Variants in NPIPB9 observed in about 807,000 individuals in gnomAD.
The protein encoded by NPIPB9 is nuclear pore complex interacting protein family member B9, also known as nuclear pore complex-interacting protein family member B9.
A neutral mutation model predicts 5.6 loss-of-function variants in NPIPB9; 1 was observed. The ratio of observed to expected loss-of-function variants is 0.18; its 90% CI spans 0.06 to 0.84. The LOEUF (loss-of-function observed/expected upper bound fraction) is 0.84, where lower values mean the gene tolerates loss of function less well. Ranked by LOEUF, NPIPB9 falls within the 40% of genes least tolerant of loss-of-function variation. NPIPB9 has a pLI of 0.70. For synonymous variants in NPIPB9, 2 were observed against 12.5 expected, an observed-to-expected ratio of 0.16 and a Z score of 1.77; for missense variants, 3 against 39.1, an observed-to-expected ratio of 0.08 and a Z score of 2.46.
chr16:28,752,470 C>T lies in NPIPB9; in HGVS notation c.-98C>T, dbSNP rs539537151. The T allele has an allele frequency of 2.5e-5, 36 of 1,432,252 alleles. 3 individuals carry two copies. In the South Asian group the frequency reaches 2.5e-4, roughly 10 times the overall value. 88.7% of individuals were successfully genotyped at this position (1,432,252 alleles called of 1,614,324 possible). On this transcript the variant is annotated 5_prime_UTR_variant, in exon 1 of 8. Transcript: ENST00000550983. ...ATGATGAGCCCCTGTTCTCATTCTG[C>T]AAATGGTGAAGCTCTCTATTGTCCT...
intron 5 of NPIPB9, among the ~76,000 whole-genome samples, chr16:28,767,457 A>C (rs2049272346): frequency 3.4e-5 from 1 of 29,774 alleles, no homozygotes; most frequent in African/African-American, 1.4e-4. Context: ...TGATCCACAC[A>C]CCTCGGCCTC....
In NPIPB9 at chr16:28,765,721, T is replaced by TG. The variant is rs2049157814; in HGVS notation, c.295-361_295-360insG. ...CCACCGTGCCAGCCTCATGTCATTC[T>TG]TGTGTGTGTGTGTGTGTGTGTGTGT... On this transcript the variant is annotated intron_variant, in intron 3 of 7. Transcript: ENST00000550983. Among the ~76,000 whole-genome samples the TG allele has an allele frequency of 7.9e-5, 3 of 38,010 alleles. 1 individual carries two copies. Among genetic ancestry groups the TG allele is most frequent in the Non-Finnish European group, 1.4e-4 (3 of 20,696 alleles). 24.9% of individuals were successfully genotyped at this position (38,010 alleles called of 152,430 possible). A position where few individuals can be genotyped will look rare whatever the true frequency, so the allele number is the denominator to read the frequency against.
In NPIPB9 at chr16:28,767,152, T is replaced by C. The variant is rs1294725607; in HGVS notation, c.590+663T>C. Among the ~76,000 whole-genome samples the C allele has an allele frequency of 3.3e-5, 2 of 61,468 alleles. 1 individual carries two copies. Among genetic ancestry groups the C allele is most frequent in the Admixed American group, 3.7e-4 (2 of 5,362 alleles). The allele number at this position is 61,468 out of a possible 152,430, so 40.3% of individuals were successfully genotyped here. On this transcript the variant is annotated intron_variant, in intron 5 of 7. Transcript: ENST00000550983. ...TTGAAGCAATTCTGCCTCAGCTTCC[T>C]GAGTAGCTTGGATTACAGGTGTGTG...
chr16:28,769,700 G>C (rs1280181638), intron 5 of NPIPB9: 1 of 867,802 alleles, frequency 1.2e-6, no homozygotes, highest in Non-Finnish European at 1.4e-6. Flanking sequence ...GTGAGAGAGA[G>C]CGAGAGAGAG....
intron 2 of NPIPB9, chr16:28,758,572 CTTCCCCTCCCCCTCCCCT>C (rs2048937553): frequency 1.4e-5 from 1 of 73,604 alleles, no homozygotes. Context: ...TCCCCCTCCC[CTTCCCCTCCCCCTCCCCT>C]GCCCCTCCCC....
intron 1 of NPIPB9, among the ~76,000 whole-genome samples, chr16:28,753,503 T>TAG (rs1346304412): frequency 1.5e-5 from 1 of 66,776 alleles, no homozygotes; most frequent in Non-Finnish European, 3.0e-5. Context: ...GAGATTTATA[T>TAG]AGATACACAC....
rs1217435938 is a variant in NPIPB9 at position 28,763,641 on chromosome 16, CTT to C, written c.294+1223_294+1224del. On this transcript the variant is annotated intron_variant, in intron 3 of 7. Coordinates refer to ENST00000550983, the Ensembl canonical transcript of NPIPB9. ...AATTTTTGGTATAAATTGGAGGAAG[CTT>C]TTTTTTTTTTTTTTCCTTTTCTCAC... is the stretch of plus-strand genomic sequence containing the variant. Among the ~76,000 whole-genome samples, 6 of 30,920 alleles carry C rather than the reference CTT, an allele frequency of 1.9e-4. No individual in the cohort carries two copies. In the East Asian group the frequency reaches 2.2e-3, roughly 12 times the overall value. 20.3% of individuals were successfully genotyped at this position (30,920 alleles called of 152,430 possible).
intron 1 of NPIPB9, among the ~76,000 whole-genome samples, chr16:28,754,910 T>C (rs1163182211): frequency 7.3e-6 from 1 of 136,760 alleles, no homozygotes; most frequent in South Asian, 2.4e-4. Context: ...TCAGAATCAA[T>C]TGAGTGACAT....
intron 2 of NPIPB9, chr16:28,758,614 C>G: frequency 2.7e-6 from 1 of 368,912 alleles, no homozygotes; most frequent in South Asian, 1.8e-5. Context: ...TCAGATCCGG[C>G]CCCGGTCCCC....
chr16:28,759,332 G>T (rs1478523608), intron 2 of NPIPB9, among the ~76,000 whole-genome samples: 396 of 91,150 alleles, frequency 4.3e-3, no homozygotes, highest in Admixed American at 0.012. Context: ...TAGTAGAGAC[G>T]GGGTTTCACC....
At chr16:28,758,281 C>T (rs3959281) in intron 2 of NPIPB9, among the ~76,000 whole-genome samples, 3 of 91,700 alleles carry the variant, frequency 3.3e-5, no homozygotes, top group South Asian at 7.5e-4. Flanking sequence ...GAAGGTTTGG[C>T]GGATAGCAGA....
At chr16:28,765,762 TGTG>T (rs2049165658) in intron 3 of NPIPB9, among the ~76,000 whole-genome samples, 1 of 102,772 alleles carries the variant, frequency 9.7e-6, no homozygotes, top group Non-Finnish European at 2.0e-5. Flanking sequence ...TGTGTGTGTG[TGTG>T]TGTGTGTGTG....
At chr16:28,760,289 C>A (rs1249469651) in intron 2 of NPIPB9, among the ~76,000 whole-genome samples, 51 of 38,458 alleles carry the variant, frequency 1.3e-3, no homozygotes, top group African/African-American at 5.0e-3. Flanking sequence ...CTATTCATGC[C>A]ATTTTCATGA....
At chr16:28,756,108 T>C (rs1324562605) in intron 1 of NPIPB9, among the ~76,000 whole-genome samples, 25 of 76,670 alleles carry the variant, frequency 3.3e-4, no homozygotes, top group African/African-American at 9.7e-4. Flanking sequence ...TATAGTACTC[T>C]CTGCCATTCA....
intron 2 of NPIPB9, among the ~76,000 whole-genome samples, chr16:28,760,314 A>ATTTTTTT (rs1223557384): frequency 4.4e-5 from 1 of 22,494 alleles, no homozygotes; most frequent in African/African-American, 1.8e-4. Context: ...CACCTTGGTA[A>ATTTTTTT]TTTTTTTTTT....
rs531708539 is a variant in NPIPB9 at position 28,760,624 on chromosome 16, C to G, written c.112-1627C>G. 2.6e-4 allele frequency among the ~76,000 whole-genome samples: 11 copies of G among 42,712 alleles called. 5 individuals carry two copies. The highest frequency in any genetic ancestry group is 7.9e-4 in the African/African-American group (4 of 5,090). 28.0% of individuals were successfully genotyped at this position (42,712 alleles called of 152,430 possible). On this transcript the variant is annotated intron_variant, in intron 2 of 7. Coordinates refer to ENST00000550983, the Ensembl canonical transcript of NPIPB9. ...CAGGCGTGAGCCACCACGCCCAGCCCACCTTGTTAATTTTTAAGCACTAAA... is the reference window on the plus strand; with the variant it reads ...CAGGCGTGAGCCACCACGCCCAGCCGACCTTGTTAATTTTTAAGCACTAAA...
chr16:28,769,636 A>G, intron 5 of NPIPB9: 1 of 635,146 alleles, frequency 1.6e-6, no homozygotes, highest in East Asian at 1.4e-4. Flanking sequence ...ACCTCTGTAC[A>G]ATGTTTAGAC....
chr16:28,765,878 C>T (rs1443362929), intron 3 of NPIPB9, among the ~76,000 whole-genome samples: 18 of 106,986 alleles, frequency 1.7e-4, no homozygotes, highest in African/African-American at 4.9e-4. Flanking sequence ...CTCAGCCTCC[C>T]GAGTAGCTTG....
rs376209466 is a variant in NPIPB9, at chr16:28,760,620, A to G, written c.112-1631A>G. Among the ~76,000 whole-genome samples the G allele has an allele frequency of 6.4e-4, 27 of 42,196 alleles. 6 individuals are homozygous for G. The highest frequency in any genetic ancestry group is 2.5e-3 in the South Asian group (1 of 396). The allele number at this position is 42,196 out of a possible 152,430, so 27.7% of individuals were successfully genotyped here. A position where few individuals can be genotyped will look rare whatever the true frequency, so the allele number is the denominator to read the frequency against. ...ATTGCAGGCGTGAGCCACCACGCCC[A>G]GCCCACCTTGTTAATTTTTAAGCAC... On this transcript the variant is annotated intron_variant, in intron 2 of 7. Transcript: ENST00000550983.
Sources: gnomAD v4.1 joint callset for allele counts (sites outside exome capture counted in the v4.1 genomes callset) on GRCh38, gnomAD v4.1.1 for gene constraint, MANE v1.5 for transcripts, NCBI Gene and HGNC (gene_info 2026-07-23, HGNC 2026-07-21) for gene names.